The following ENTREP2 variants were observed in gnomAD, a reference collection of about 807,000 sequenced individuals.
ENTREP2 encodes the protein endosomal transmembrane epsin interactor 2, also known as protein ENTREP2.
At chr15:29,593,505 G>A in the ENTREP2 span, among the ~76,000 whole-genome samples, 1 of 152,088 alleles carries the variant, frequency 6.6e-6, no homozygotes, top group Non-Finnish European at 1.5e-5. Context: ...GCATACCTAG[G>A]ATTTTGTCTT....
the ENTREP2 span, among the ~76,000 whole-genome samples, chr15:29,480,354 A>C: frequency 6.8e-6 from 1 of 146,622 alleles, no homozygotes; most frequent in Non-Finnish European, 1.5e-5. Context: ...AAAAAAAAAA[A>C]AAAAAAAAAA....
the ENTREP2 span, among the ~76,000 whole-genome samples, chr15:29,417,377 C>G: frequency 6.6e-6 from 1 of 152,138 alleles, no homozygotes; most frequent in South Asian, 2.1e-4. Flanking sequence ...CCATCATTCT[C>G]AGCAAACTAT....
At chr15:29,636,198 G>T in the ENTREP2 span, among the ~76,000 whole-genome samples, 1 of 152,160 alleles carries the variant, frequency 6.6e-6, no homozygotes, top group Non-Finnish European at 1.5e-5. Flanking sequence ...AAGCAATCTC[G>T]TCGCGTGTGG....
At chr15:29,246,340 C>T in the ENTREP2 span, among the ~76,000 whole-genome samples, 4 of 147,582 alleles carry the variant, frequency 2.7e-5, no homozygotes, top group Non-Finnish European at 5.9e-5. Context: ...TGCAGTGAGC[C>T]GTGATGGCAC....
At chr15:29,500,258 A>G in the ENTREP2 span, among the ~76,000 whole-genome samples, 2 of 152,168 alleles carry the variant, frequency 1.3e-5, no homozygotes, top group African/African-American at 4.8e-5. Context: ...CTTGACATCT[A>G]TAGAACACTC....
the ENTREP2 span, among the ~76,000 whole-genome samples, chr15:29,506,665 A>G: frequency 3.3e-4 from 51 of 152,326 alleles, no homozygotes; most frequent in Non-Finnish European, 5.9e-4. Flanking sequence ...ACTAAGCTTC[A>G]TAAGTGAAGT....
the ENTREP2 span, among the ~76,000 whole-genome samples, chr15:29,185,919 C>T: frequency 6.6e-6 from 1 of 152,168 alleles, no homozygotes; most frequent in African/African-American, 2.4e-5. Flanking sequence ...CATTCTGATA[C>T]TCATTTAGAG....
the ENTREP2 span, among the ~76,000 whole-genome samples, chr15:29,594,482 G>A: frequency 6.6e-6 from 1 of 152,076 alleles, no homozygotes; most frequent in Non-Finnish European, 1.5e-5. Flanking sequence ...CTTCTCCAGA[G>A]GTGCAATAGA....
chr15:29,354,246 C>A, the ENTREP2 span, among the ~76,000 whole-genome samples: 12 of 152,320 alleles, frequency 7.9e-5, no homozygotes, highest in East Asian at 2.1e-3. Flanking sequence ...TTAACACCAG[C>A]AGCTCCACCC....
At chr15:29,629,967 A>G in the ENTREP2 span, among the ~76,000 whole-genome samples, 10 of 152,146 alleles carry the variant, frequency 6.6e-5, no homozygotes, top group East Asian at 1.9e-3. Context: ...AAATACAAAA[A>G]TTGGCGGGGC....
At chr15:29,488,789 TG>T in the ENTREP2 span, among the ~76,000 whole-genome samples, 2 of 152,186 alleles carry the variant, frequency 1.3e-5, no homozygotes, top group Non-Finnish European at 2.9e-5. Flanking sequence ...ATGGGCAGGA[TG>T]GGGGTGATGC....
the ENTREP2 span, among the ~76,000 whole-genome samples, chr15:29,460,897 G>A: frequency 5.3e-4 from 80 of 152,214 alleles, no homozygotes; most frequent in East Asian, 0.015. Flanking sequence ...AATTTTCTAC[G>A]AACTCTAGCA....
chr15:29,584,831 G>C, the ENTREP2 span, among the ~76,000 whole-genome samples: 1 of 152,122 alleles, frequency 6.6e-6, no homozygotes, highest in Non-Finnish European at 1.5e-5. Context: ...ACAAAGAATG[G>C]TAATTATGTG....
At chr15:29,490,344 T>G in the ENTREP2 span, among the ~76,000 whole-genome samples, 1 of 152,324 alleles carries the variant, frequency 6.6e-6, no homozygotes, top group South Asian at 2.1e-4. Context: ...GAGTGAGCAG[T>G]GGCAAGATTT....
chr15:29,135,999 T>C, the ENTREP2 span, among the ~76,000 whole-genome samples: 1 of 152,150 alleles, frequency 6.6e-6, no homozygotes, highest in South Asian at 2.1e-4. This position sits in a 1 kb window ranked among gnomAD's most constrained non-coding sequence, Gnocchi z 7.4. Flanking sequence ...CCAGACCACC[T>C]ACCAGCACAA....
the ENTREP2 span, among the ~76,000 whole-genome samples, chr15:29,155,138 C>G: frequency 1.3e-5 from 2 of 150,026 alleles, no homozygotes; most frequent in Non-Finnish European, 3.0e-5. Flanking sequence ...AAAAATTAGT[C>G]GGGCGTGGTG....
the ENTREP2 span, among the ~76,000 whole-genome samples, chr15:29,441,743 C>G: frequency 6.9e-6 from 1 of 145,730 alleles, no homozygotes; most frequent in Admixed American, 6.8e-5. Context: ...CTTCCTGACT[C>G]CATCTACACC....
At chr15:29,295,411 C>T in the ENTREP2 span, among the ~76,000 whole-genome samples, 3 of 152,126 alleles carry the variant, frequency 2.0e-5, no homozygotes, top group South Asian at 6.2e-4. Flanking sequence ...GAGTCAAGGG[C>T]GACATCTGGA....
the ENTREP2 span, among the ~76,000 whole-genome samples, chr15:29,470,887 C>T: frequency 3.9e-5 from 6 of 152,230 alleles, no homozygotes; most frequent in African/African-American, 1.4e-4. Flanking sequence ...GCTCAAGTCA[C>T]AGTCATTTGA....
Sources: gnomAD v4.1 joint callset for allele counts (sites outside exome capture counted in the v4.1 genomes callset) on GRCh38, gnomAD v4.1.1 for gene constraint, Gnocchi (gnomAD v3.1) non-coding constraint, MANE v1.5 for transcripts, NCBI Gene and HGNC (gene_info 2026-07-23, HGNC 2026-07-21) for gene names.